Variants in SLIT3 observed in about 807,000 individuals in gnomAD.
SLIT3 encodes the protein slit guidance ligand 3.
SLIT3 carries 68 observed loss-of-function variants against 184.0 expected under a neutral mutation model. The observed-to-expected ratio is 0.37, with a 90% CI of 0.30 to 0.45. The LOEUF (loss-of-function observed/expected upper bound fraction) is 0.45. Among genes scored for constraint, SLIT3 ranks in the 20% least tolerant of loss-of-function variants. The probability of loss-of-function intolerance (pLI) is 1.00; values close to 1 mark genes in which losing one functional copy is unlikely to be tolerated. For synonymous variants in SLIT3, 831 were observed against 828.6 expected, an observed-to-expected ratio of 1.00 and a Z score of -0.05; for missense variants, 1,707 against 2,026.0, an observed-to-expected ratio of 0.84 and a Z score of 3.02.
At chr5:168,864,077 G>T (rs1340513899) in intron 5 of SLIT3, among the ~76,000 whole-genome samples, 1 of 151,836 alleles carries the variant, frequency 6.6e-6, no homozygotes, top group Non-Finnish European at 1.5e-5. Context: ...GGGTGTGGTG[G>T]CATGTGCCTG....
intron 4 of SLIT3, among the ~76,000 whole-genome samples, chr5:169,054,561 A>G (rs1757924342): frequency 6.6e-6 from 1 of 152,244 alleles, no homozygotes; most frequent in East Asian, 1.9e-4. Context: ...CCTCATGGCC[A>G]AAGTGATCTT....
chr5:168,797,116 A>G (rs1756590676), intron 9 of SLIT3, among the ~76,000 whole-genome samples: 1 of 152,162 alleles, frequency 6.6e-6, no homozygotes, highest in African/African-American at 2.4e-5. Flanking sequence ...GCCTGCTCAC[A>G]GAGAGCCACA....
chr5:168,879,286 G>T (rs1759861791), intron 5 of SLIT3, among the ~76,000 whole-genome samples: 1 of 152,118 alleles, frequency 6.6e-6, no homozygotes. Context: ...CTTGGGGGCT[G>T]GGTAGTGGTT....
intron 5 of SLIT3, among the ~76,000 whole-genome samples, chr5:168,869,293 G>A (rs989688044): frequency 6.6e-6 from 1 of 152,188 alleles, no homozygotes; most frequent in African/African-American, 2.4e-5. Context: ...GGTTCTAGAT[G>A]TAAACTGAGT....
chr5:169,009,998 A>T (rs774345921), intron 4 of SLIT3, among the ~76,000 whole-genome samples: 21 of 152,114 alleles, frequency 1.4e-4, no homozygotes, highest in Non-Finnish European at 2.8e-4. Context: ...AGCATGCAAG[A>T]CTCCCTGGCT....
chr5:168,741,643 G>C (rs930107331), intron 20 of SLIT3, among the ~76,000 whole-genome samples: 2 of 152,044 alleles, frequency 1.3e-5, no homozygotes, highest in Non-Finnish European at 2.9e-5. Flanking sequence ...AAGTAAATAA[G>C]CAACTACAAC....
rs561421553 is a variant in SLIT3, at chr5:168,932,642, A to C, written c.414-49306T>G. On this transcript the variant is annotated intron_variant, in intron 4 of 35. Coordinates refer to ENST00000519560, the MANE Select transcript of SLIT3 (RefSeq NM_003062.4). ...GTGGGCAGCCAATGGATTAGGAAGGAAACAGGACTGCGGTCAGATCCCAGC... is the reference window on the plus strand; with the variant it reads ...GTGGGCAGCCAATGGATTAGGAAGGCAACAGGACTGCGGTCAGATCCCAGC... 3.7e-4 allele frequency among the ~76,000 whole-genome samples: 57 copies of C among 152,308 alleles called. 1 individual carries two copies. The highest frequency in any genetic ancestry group is 1.4e-3 in the African/African-American group (57 of 41,572).
intron 4 of SLIT3, among the ~76,000 whole-genome samples, chr5:169,157,958 G>T (rs529595906): frequency 4.4e-4 from 57 of 129,382 alleles, no homozygotes; most frequent in Non-Finnish European, 7.9e-4. Flanking sequence ...AGAGAAAACA[G>T]AATTAAAAAA....
intron 4 of SLIT3, among the ~76,000 whole-genome samples, chr5:168,998,731 A>AACAAT (rs1039547104): frequency 6.6e-6 from 1 of 151,890 alleles, no homozygotes; most frequent in African/African-American, 2.4e-5. Flanking sequence ...AACAAAACAA[A>AACAAT]ACAAAACAAA....
chr5:169,241,351 A>G (rs918726273), intron 3 of SLIT3, among the ~76,000 whole-genome samples: 1 of 152,202 alleles, frequency 6.6e-6, no homozygotes, highest in Non-Finnish European at 1.5e-5. Flanking sequence ...TGGTATATGT[A>G]AAGTGCCTGA....
At position 168,696,478 on chromosome 5, in the gene SLIT3, G is replaced by T. The variant is rs779773594; in HGVS notation, c.2943-47C>A. 8.8e-5 allele frequency: 141 copies of T among 1,610,352 alleles called. 1 individual carries two copies. The highest frequency in any genetic ancestry group is 5.3e-5 in the Non-Finnish European group (63 of 1,177,862). On this transcript the variant is annotated intron_variant, in intron 27 of 35. Coordinates refer to ENST00000519560, the MANE Select transcript of SLIT3 (RefSeq NM_003062.4). ...GAGCAGGGGAGTCAGGGGTCAGGGA[G>T]AGAGGTGGGTTGGGATGGCAGAGAG...
In SLIT3 at chr5:168,897,947, C is replaced by T. The variant is rs189595035; in HGVS notation, c.414-14611G>A. On this transcript the variant is annotated intron_variant, in intron 4 of 35. Coordinates refer to ENST00000519560, the MANE Select transcript of SLIT3 (RefSeq NM_003062.4). ...GGGGAGCTCCAGAACAGGGGAAGGT[C>T]GGCTGGGGCTTCCCCTAAGCTCCCA... Among the ~76,000 whole-genome samples the T allele has an allele frequency of 6.9e-4, 105 of 152,256 alleles. 2 individuals are homozygous for T. The highest frequency in any genetic ancestry group is 5.6e-4 in the Non-Finnish European group (38 of 67,998).
chr5:168,691,196 A>G (rs1465739664), intron 29 of SLIT3, among the ~76,000 whole-genome samples: 4 of 152,178 alleles, frequency 2.6e-5, no homozygotes, highest in Non-Finnish European at 4.4e-5. Context: ...AATCCCCACT[A>G]TACTCCACAC....
chr5:169,139,224 A>G (rs768938206), intron 4 of SLIT3, among the ~76,000 whole-genome samples: 9 of 152,248 alleles, frequency 5.9e-5, no homozygotes, highest in Non-Finnish European at 8.8e-5. Context: ...GTGCTCTTAG[A>G]AACAGAACTA....
At chr5:168,694,672 G>A (rs142018849) in intron 28 of SLIT3, among the ~76,000 whole-genome samples, 6,431 of 152,196 alleles carry the variant, frequency 0.042, 441 homozygotes, top group Admixed American at 0.18. Flanking sequence ...AGGCAGGAGT[G>A]CAGTGGCAGG....
At chr5:168,958,783 T>C (rs1480206543) in intron 4 of SLIT3, among the ~76,000 whole-genome samples, 1 of 152,180 alleles carries the variant, frequency 6.6e-6, no homozygotes, top group Non-Finnish European at 1.5e-5. Context: ...TGGAAGAAGG[T>C]GTCATGTGTA....
chr5:168,686,931 GC>G (rs780705469), intron 30 of SLIT3, 47 bp downstream of exon 30: 6 of 1,597,918 alleles, frequency 3.8e-6, no homozygotes, highest in Non-Finnish European at 5.1e-6. Flanking sequence ...CCCAGCCCCT[GC>G]CACCTGGCCC....
At chr5:168,963,400 G>A (rs1763080409) in intron 4 of SLIT3, among the ~76,000 whole-genome samples, 1 of 152,170 alleles carries the variant, frequency 6.6e-6, no homozygotes, top group South Asian at 2.1e-4. Context: ...TTGAACTCCT[G>A]ACTTCAAGCA....
chr5:168,900,999 A>T (rs1381122526), intron 4 of SLIT3, among the ~76,000 whole-genome samples: 1 of 152,202 alleles, frequency 6.6e-6, no homozygotes, highest in Non-Finnish European at 1.5e-5. Context: ...CTTAACGGGT[A>T]CAATGTACGT....
Sources: gnomAD v4.1 joint callset for allele counts (sites outside exome capture counted in the v4.1 genomes callset) on GRCh38, gnomAD v4.1.1 for gene constraint, MANE v1.5 for transcripts, NCBI Gene and HGNC (gene_info 2026-07-23, HGNC 2026-07-21) for gene names.